Variants in CLN3 observed in about 807,000 individuals in gnomAD.
CLN3 encodes the protein CLN3 lysosomal/endosomal transmembrane protein, battenin, also known as battenin.
CLN3 carries 49 observed loss-of-function variants against 60.7 expected under a neutral mutation model. The observed-to-expected ratio is 0.81, with a 90% confidence interval of 0.64 to 1.02. The LOEUF is 1.02. CLN3 is among the 50% of genes least tolerant of loss of function. The pLI, the probability that CLN3 is intolerant of heterozygous loss-of-function variation, is 0.00. For missense variants in CLN3, 516 were observed against 557.4 expected (o/e 0.93, Z 0.75); for synonymous variants, 256 against 245.8 (o/e 1.04, Z -0.39).
Position 28,477,358 on chromosome 16 carries a change from C to A in CLN3, c.*158G>T, listed in dbSNP as rs1162144915. 1.1e-6 allele frequency: 1 copy of A among 936,944 alleles called. No homozygotes were observed. The highest frequency in any genetic ancestry group is 1.6e-5 in the African/African-American group (1 of 61,392). 58.0% of individuals were successfully genotyped at this position (936,944 alleles called of 1,614,324 possible). On this transcript the variant is annotated 3_prime_UTR_variant, in exon 16 of 16. Transcript: ENST00000636147. ...CCAAGTGGGAGACAATGGCTGGCCC[C>A]CCTGCAAGGGAAACAAGGCTTCAGC...
At chr16:28,474,878 G>A (rs982562121), downstream of CLN3, among the ~76,000 whole-genome samples, 2 of 152,150 alleles carry the variant, frequency 1.3e-5, no homozygotes, top group Non-Finnish European at 2.9e-5. Flanking sequence ...TGAAGCAGGT[G>A]GATCACTTGA....
chr16:28,482,072 G>T, intron 14 of CLN3, 33 bp downstream of exon 14: 1 of 1,553,834 alleles, frequency 6.4e-7, no homozygotes, highest in Non-Finnish European at 8.8e-7. Flanking sequence ...GGGAGCCAAG[G>T]TGGGAGTGAA....
At chr16:28,481,454 G>GCACACACACA (rs373490479) in intron 14 of CLN3, among the ~76,000 whole-genome samples, 1 of 129,120 alleles carries the variant, frequency 7.7e-6, no homozygotes, top group African/African-American at 2.9e-5. Flanking sequence ...ACACACACAC[G>GCACACACACA]CACACACACA....
At chr16:28,482,703 G>A (rs768153634) in intron 10 of CLN3, 31 bp from the exon 11 acceptor site, 2 of 1,613,630 alleles carry the variant, frequency 1.2e-6, no homozygotes, top group East Asian at 2.2e-5. Context: ...AAGGGCAGAT[G>A]AAGTTTTCAC....
intron 9 of CLN3, chr16:28,484,360 T>C: frequency 2.0e-6 from 1 of 506,406 alleles, no homozygotes; most frequent in South Asian, 2.1e-5. Flanking sequence ...TGTTTTGATT[T>C]TTTTCAGAGA....
Position 28,487,529 on chromosome 16 carries a change from G to C in CLN3, c.387C>G (p.Leu129=). The change falls in exon 7 of 16, where the codon CTC becomes CTG. Residue 129 remains leucine (L), a synonymous_variant. Transcript: ENST00000636147. ...LHLLPYSPRV[L]VSGICAAGSF... The stretch of plus-strand genomic sequence containing the variant: ...TTCCAGCAGCACAAATCCCACTGAC[G>C]AGAACCCGGGGGCTGAGGGGGTGAG... 1 of 1,613,932 alleles carries C rather than the reference G, an allele frequency of 6.2e-7. No individual in the cohort carries two copies. Among genetic ancestry groups the C allele is most frequent in the Non-Finnish European group, 8.5e-7 (1 of 1,179,956 alleles).
intron 3 of CLN3, 119 bp downstream of exon 3, chr16:28,491,363 T>C (rs1488980374): frequency 7.2e-7 from 1 of 1,380,094 alleles, no homozygotes; most frequent in Non-Finnish European, 1.0e-6. Flanking sequence ...AACCAGTGGA[T>C]TCAGTAAATA....
rs1308474116 is a variant in CLN3 at position 28,482,658 on chromosome 16, G to A, written c.805C>T (p.Leu269Phe). The stretch of plus-strand genomic sequence containing the variant: ...ACTGTCCACCTTTCCCGAAGGGAGA[G>A]GCTGGAGCTGGAGCCTGCAGGGGAA... ...PESKPGSSSS[L>F]SLRERWTVFK... The change falls in exon 11 of 16, where the codon CTC (leucine) becomes TTC (phenylalanine). Residue 269 changes from leucine (L) to phenylalanine (F), a missense_variant. By Grantham distance (22) the Leu-to-Phe change is conservative (BLOSUM62 0). Coordinates refer to ENST00000636147, the MANE Select transcript of CLN3 (RefSeq NM_001042432.2). The A allele has an allele frequency of 3.7e-6, 6 of 1,614,212 alleles. No homozygotes were observed. The highest frequency in any genetic ancestry group is 1.1e-5 in the South Asian group (1 of 91,086).
intron 7 of CLN3, 121 bp downstream of exon 7, chr16:28,487,335 G>T: frequency 2.4e-6 from 2 of 828,468 alleles, no homozygotes; most frequent in Non-Finnish European, 4.2e-6. Flanking sequence ...GATAGCCCTA[G>T]CAGGCTTCTA....
chr16:28,470,070 G>A (rs1224527706), downstream of CLN3, among the ~76,000 whole-genome samples: 9 of 142,952 alleles, frequency 6.3e-5, no homozygotes, highest in Middle Eastern at 3.6e-3. Flanking sequence ...AGAGTGCAGC[G>A]GGGCCATCTC....
downstream of CLN3, chr16:28,477,201 T>C: frequency 2.5e-6 from 1 of 400,598 alleles, no homozygotes; most frequent in Non-Finnish European, 4.7e-6. Flanking sequence ...TTCTTTATGC[T>C]GTCTATATAT....
At chr16:28,478,617 TAAAAAAAAAAAAA>T (rs766238150) in intron 14 of CLN3, among the ~76,000 whole-genome samples, 3 of 74,354 alleles carry the variant, frequency 4.0e-5, no homozygotes, top group African/African-American at 7.6e-5. Flanking sequence ...TCCTGTCTCA[TAAAAAAAAAAAAA>T]AAAAAAAAAA....
At chr16:28,486,806 C>T (rs1230486478) in intron 7 of CLN3, 156 bp from the exon 8 acceptor site, 1 of 734,408 alleles carries the variant, frequency 1.4e-6, no homozygotes, top group Non-Finnish European at 2.4e-6. Context: ...CAGAGCCCCA[C>T]TCCCCTGCGT....
At chr16:28,472,220 C>A (rs2084867809), downstream of CLN3, among the ~76,000 whole-genome samples, 1 of 152,136 alleles carries the variant, frequency 6.6e-6, no homozygotes, top group South Asian at 2.1e-4. Context: ...TGAGACCAGA[C>A]TGGGCAACAT....
chr16:28,489,144 C>T (rs529431092), intron 4 of CLN3, 146 bp downstream of exon 4: 22 of 709,168 alleles, frequency 3.1e-5, no homozygotes, highest in South Asian at 2.6e-4. Flanking sequence ...TCAAGTGATC[C>T]GCCCGCCTCA....
chr16:28,480,121 CTGT>C (rs929238314), intron 14 of CLN3, among the ~76,000 whole-genome samples: 116 of 152,026 alleles, frequency 7.6e-4, no homozygotes, highest in Non-Finnish European at 1.2e-4. Flanking sequence ...TCACCACACC[CTGT>C]TGTTGTTTTT....
chr16:28,486,415 G>GGT lies in CLN3; in HGVS notation c.607_608dup (p.Gln204ProfsTer52). On this transcript the variant is annotated frameshift_variant, in exon 9 of 16. Coordinates refer to ENST00000636147, the MANE Select transcript of CLN3 (RefSeq NM_001042432.2). LOFTEE classifies it high-confidence loss of function. ...TCTGCTGAGGGGAGAGGCCGGCCTG[G>GGT]GTGAGGCCCAGGTAGGACAGGGCCC... is the stretch of plus-strand genomic sequence containing the variant. The GGT allele has an allele frequency of 6.2e-7, 1 of 1,613,448 alleles. No individual in the cohort carries two copies. The highest frequency in any genetic ancestry group is 8.5e-7 in the Non-Finnish European group (1 of 1,179,944).
downstream of CLN3, among the ~76,000 whole-genome samples, chr16:28,473,476 G>A (rs1327872739): frequency 2.0e-5 from 3 of 151,798 alleles, no homozygotes; most frequent in South Asian, 2.1e-4. Flanking sequence ...CAAACCTCCC[G>A]CCTTGGCCTC....
At chr16:28,479,977 CT>C (rs1020964100) in intron 14 of CLN3, among the ~76,000 whole-genome samples, 2 of 151,006 alleles carry the variant, frequency 1.3e-5, no homozygotes, top group Non-Finnish European at 3.0e-5. Context: ...AAAGTGTAAT[CT>C]TTTTTTTTGA....
Sources: allele counts gnomAD v4.1 joint callset (sites outside exome capture counted in the v4.1 genomes callset), GRCh38; gene constraint gnomAD v4.1.1; transcripts MANE v1.5; gene names NCBI Gene and HGNC (gene_info 2026-07-23, HGNC 2026-07-21).